Variants in EIPR1 observed in about 807,000 individuals in gnomAD.
EIPR1 encodes the protein EARP and GARP complex-interacting protein 1.
EIPR1 carries 25 observed loss-of-function variants against 48.1 expected under a neutral mutation model. The observed-to-expected ratio is 0.52, with a 90% CI of 0.38 to 0.73. The LOEUF is 0.73. EIPR1 is among the 30% of genes least tolerant of loss of function. The pLI is 0.00. For synonymous variants in EIPR1, 204 were observed against 201.9 expected, an observed-to-expected ratio of 1.01 and a Z score of -0.09; for missense variants, 415 against 506.2, an observed-to-expected ratio of 0.82 and a Z score of 1.73.
intron 5 of EIPR1, among the ~76,000 whole-genome samples, chr2:3,199,979 G>C (rs370286630): frequency 6.6e-6 from 1 of 151,016 alleles, no homozygotes; most frequent in African/African-American, 2.4e-5. Flanking sequence ...CTAGGTAGAG[G>C]TGACGGGTGT....
chr2:3,320,387 G>A (rs1669489757), intron 3 of EIPR1: 1 of 163,232 alleles, frequency 6.1e-6, no homozygotes, highest in South Asian at 1.4e-4. Context: ...CACCACACCT[G>A]CGGACAACAC....
At chr2:3,193,272 T>C (rs879637121) in intron 7 of EIPR1, among the ~76,000 whole-genome samples, 1 of 152,222 alleles carries the variant, frequency 6.6e-6, no homozygotes, top group South Asian at 2.1e-4. Context: ...GGTTTTAACA[T>C]ACAGCTTCAG....
intron 4 of EIPR1, among the ~76,000 whole-genome samples, chr2:3,245,270 T>G (rs1666762042): frequency 6.6e-6 from 1 of 152,184 alleles, no homozygotes; most frequent in South Asian, 2.1e-4. Flanking sequence ...TGGAGTGCAG[T>G]GGAGCGATCT....
intron 4 of EIPR1, among the ~76,000 whole-genome samples, chr2:3,236,189 G>A (rs1185021356): frequency 6.6e-6 from 1 of 152,204 alleles, no homozygotes; most frequent in Non-Finnish European, 1.5e-5. Flanking sequence ...TGTACTGTAT[G>A]TTAAAGTCTA....
At chr2:3,256,112 T>C (rs1264101941) in intron 4 of EIPR1, among the ~76,000 whole-genome samples, 1 of 152,182 alleles carries the variant, frequency 6.6e-6, no homozygotes, top group Non-Finnish European at 1.5e-5. Context: ...ACCGACGTGG[T>C]AGAAGCACAG....
intron 3 of EIPR1, among the ~76,000 whole-genome samples, chr2:3,303,077 G>A (rs534171073): frequency 9.2e-5 from 14 of 152,338 alleles, no homozygotes; most frequent in African/African-American, 3.1e-4. Flanking sequence ...CTCAGTTGTG[G>A]TGACAGCCAG....
chr2:3,192,620 C>G (rs1664647565), intron 7 of EIPR1, 39 bp from the exon 8 acceptor site: 3 of 1,599,904 alleles, frequency 1.9e-6, no homozygotes, highest in Non-Finnish European at 2.6e-6. Flanking sequence ...GAACTGTCAC[C>G]CGCAGGCAAC....
Position 3,262,516 on chromosome 2 carries a change from G to C in EIPR1, c.260-5061C>G, listed in dbSNP as rs182727784. 2.0e-5 allele frequency among the ~76,000 whole-genome samples: 3 copies of C among 152,368 alleles called. No individual in the cohort carries two copies. The East Asian group carries it at 5.8e-4, about 29-fold the overall frequency. Reference sequence around the variant, plus strand: ...CACCTAGGAAGGCTGGACCAGCCCAGATGCTGGGGTAGCACGTAAGGCTGC... The same window carrying C: ...CACCTAGGAAGGCTGGACCAGCCCACATGCTGGGGTAGCACGTAAGGCTGC... On this transcript the variant is annotated intron_variant, in intron 3 of 8. Transcript: ENST00000382125.
chr2:3,245,802 G>A (rs1638639946), intron 4 of EIPR1, among the ~76,000 whole-genome samples: 1 of 152,226 alleles, frequency 6.6e-6, no homozygotes, highest in Non-Finnish European at 1.5e-5. Flanking sequence ...GCTCACACCT[G>A]TAATCTCAGT....
At chr2:3,339,607 G>A (rs1376059763) in intron 2 of EIPR1, among the ~76,000 whole-genome samples, 1 of 152,208 alleles carries the variant, frequency 6.6e-6, no homozygotes, top group Admixed American at 6.5e-5. Context: ...TCCCCACCTG[G>A]TGCCATCCTC....
intron 1 of EIPR1, among the ~76,000 whole-genome samples, chr2:3,375,405 A>G (rs55892884): frequency 0.16 from 24,573 of 152,056 alleles, 2,208 homozygotes; most frequent in Non-Finnish European, 0.21. Context: ...AAAAGAGAGA[A>G]AAAAAAGAAA....
intron 1 of EIPR1, among the ~76,000 whole-genome samples, chr2:3,362,127 T>C (rs976309912): frequency 6.6e-6 from 1 of 152,168 alleles, no homozygotes; most frequent in Admixed American, 6.5e-5. Context: ...AGCTTGGACC[T>C]CAACTACCGT....
chr2:3,266,452 A>G (rs894602747), intron 3 of EIPR1, among the ~76,000 whole-genome samples: 18 of 152,226 alleles, frequency 1.2e-4, no homozygotes, highest in Non-Finnish European at 2.4e-4. Flanking sequence ...ATGGCCTTTT[A>G]AATGCCTTAG....
chr2:3,305,437 G>A (rs77897818), intron 3 of EIPR1, among the ~76,000 whole-genome samples: 3,973 of 140,958 alleles, frequency 0.028, 67 homozygotes, highest in Non-Finnish European at 0.042. Context: ...TTCCACTCCC[G>A]TCCTGTTCAG....
intron 5 of EIPR1, among the ~76,000 whole-genome samples, chr2:3,203,827 T>G (rs759223970): frequency 2.0e-5 from 3 of 152,232 alleles, no homozygotes; most frequent in Non-Finnish European, 4.4e-5. Flanking sequence ...GGCCAGGAGC[T>G]GAGGGCGGCC....
At chr2:3,337,571 C>A (rs548376729) in intron 3 of EIPR1, among the ~76,000 whole-genome samples, 1 of 152,328 alleles carries the variant, frequency 6.6e-6, no homozygotes, top group East Asian at 1.9e-4. Context: ...CTAGAGAGCA[C>A]AACGGCGGGC....
chr2:3,238,560 AG>A (rs1666490474), intron 4 of EIPR1, among the ~76,000 whole-genome samples: 1 of 152,216 alleles, frequency 6.6e-6, no homozygotes, highest in African/African-American at 2.4e-5. Flanking sequence ...TGTGGCCCAG[AG>A]TGCAGCCTTC....
intron 3 of EIPR1, among the ~76,000 whole-genome samples, chr2:3,327,015 C>T (rs1261568053): frequency 3.3e-5 from 5 of 152,194 alleles, no homozygotes; most frequent in East Asian, 1.9e-4. Flanking sequence ...CAGGCAGCCG[C>T]GTCCAGGCCT....
intron 1 of EIPR1, among the ~76,000 whole-genome samples, chr2:3,367,606 C>T (rs996859920): frequency 6.6e-6 from 1 of 152,184 alleles, no homozygotes; most frequent in Non-Finnish European, 1.5e-5. Flanking sequence ...CAGCAGAGGA[C>T]TATTCCACAA....
Sources: allele counts gnomAD v4.1 joint callset (sites outside exome capture counted in the v4.1 genomes callset), GRCh38; gene constraint gnomAD v4.1.1; transcripts MANE v1.5; gene names NCBI Gene and HGNC (gene_info 2026-07-23, HGNC 2026-07-21).